PYHIN1: variants seen among roughly 807,000 people sequenced by gnomAD.
The protein encoded by PYHIN1 is pyrin and HIN domain family member 1.
In PYHIN1, 32 loss-of-function variants were observed where a neutral mutation model predicts 43.7. The ratio of observed to expected loss-of-function variants is 0.73; its 90% CI spans 0.55 to 0.98. PYHIN1 has a LOEUF of 0.98. Ranked by LOEUF, PYHIN1 falls within the 50% of genes least tolerant of loss-of-function variation. PYHIN1 has a pLI of 0.00. For synonymous variants in PYHIN1, 205 were observed against 203.1 expected (o/e 1.01, Z -0.08); for missense variants, 588 against 589.5 (o/e 1.00, Z 0.03).
At position 158,943,910 on chromosome 1, in the gene PYHIN1, T is replaced by C. The variant is rs1304000747; in HGVS notation, c.1123T>C (p.Phe375Leu). The C allele has an allele frequency of 1.5e-5, 24 of 1,608,644 alleles. No homozygotes were observed. Among genetic ancestry groups the C allele is most frequent in the Non-Finnish European group, 1.9e-5 (22 of 1,176,290 alleles). Residue 375 changes from phenylalanine (F) to leucine (L), a missense_variant, in exon 6 of 9, where the codon TTC (phenylalanine) becomes CTC (leucine). Transcript: ENST00000368140. ...PCEKGDKLRL[F>L]CFRLRKRENM... ...TGAAAAAGGAGATAAGCTTCGACTC[T>C]TCTGCTTTCGACTGAGAAAGAGGGA...
Position 158,942,274 on chromosome 1 carries a change from G to T in PYHIN1, c.877G>T (p.Gly293Cys). Residue 293 changes from glycine (G) to cysteine (C), a missense_variant, in exon 5 of 9, where the codon GGT (glycine) becomes TGT (cysteine). Coordinates refer to ENST00000368140, the MANE Select transcript of PYHIN1 (RefSeq NM_152501.5). Reference protein sequence around the residue: ...VNEASSVSEAGPDQTFEVPKD... With the variant: ...VNEASSVSEACPDQTFEVPKD... ...TGAAGCCTCTTCTGTATCTGAAGCT[G>T]GTCCTGACCAAACGTTTGAGGTTCC... is the stretch of plus-strand genomic sequence containing the variant. 6.2e-7 allele frequency: 1 copy of T among 1,614,010 alleles called. No individual in the cohort carries two copies. Among genetic ancestry groups the T allele is most frequent in the African/African-American group, 1.3e-5 (1 of 75,026 alleles).
chr1:158,972,882 A>C (rs1651013903), intron 7 of PYHIN1, among the ~76,000 whole-genome samples: 1 of 152,036 alleles, frequency 6.6e-6, no homozygotes, highest in African/African-American at 2.4e-5. Flanking sequence ...GTATATTTTC[A>C]ACCCTGTAAG....
At position 158,972,336 on chromosome 1, in the gene PYHIN1, T is replaced by C. The variant is rs534939695; in HGVS notation, c.1360-1311T>C. Among the ~76,000 whole-genome samples, 25 of 152,196 alleles carry C rather than the reference T, an allele frequency of 1.6e-4. No homozygotes were observed. In the East Asian group the frequency reaches 4.6e-3, roughly 28 times the overall value. ...ATACTTAAAGGGATAATCAGTATCT[T>C]GACAGAGCTTTTCAATCAATCTCTG... On this transcript the variant is annotated intron_variant, in intron 7 of 8. Transcript: ENST00000368140.
chr1:158,972,530 G>T (rs186885057), intron 7 of PYHIN1, among the ~76,000 whole-genome samples: 2 of 152,024 alleles, frequency 1.3e-5, no homozygotes, highest in Admixed American at 6.6e-5. Context: ...AGAAAGAGTG[G>T]AGGAGAGTAC....
At chr1:158,955,305 T>C (rs1649848354) in intron 7 of PYHIN1, among the ~76,000 whole-genome samples, 1 of 151,692 alleles carries the variant, frequency 6.6e-6, no homozygotes, top group Non-Finnish European at 1.5e-5. Flanking sequence ...ATACATTTTT[T>C]TCAGCACCAC....
At chr1:158,934,572 G>C (rs1648392706) in intron 1 of PYHIN1, among the ~76,000 whole-genome samples, 1 of 151,726 alleles carries the variant, frequency 6.6e-6, no homozygotes, top group Non-Finnish European at 1.5e-5. Context: ...ATATGTCTTT[G>C]TATATATTTT....
chr1:158,963,565 G>C (rs1650453005), intron 7 of PYHIN1, among the ~76,000 whole-genome samples: 1 of 152,232 alleles, frequency 6.6e-6, no homozygotes, highest in African/African-American at 2.4e-5. Context: ...AGAGCACTGA[G>C]AGGGAGCATG....
intron 7 of PYHIN1, among the ~76,000 whole-genome samples, chr1:158,964,773 C>T (rs1650528536): frequency 1.3e-5 from 2 of 152,132 alleles, no homozygotes; most frequent in Non-Finnish European, 2.9e-5. Flanking sequence ...TTACCAGACA[C>T]TACAGAAACA....
chr1:158,976,657 C>G, intron 8 of PYHIN1, 44 bp from the exon 9 acceptor site: 1 of 1,503,230 alleles, frequency 6.7e-7, no homozygotes, highest in East Asian at 2.4e-5. Flanking sequence ...ATGTATGACT[C>G]CCTGCATCTC....
At chr1:158,952,399 T>C (rs1321748447) in intron 7 of PYHIN1, among the ~76,000 whole-genome samples, 4 of 151,876 alleles carry the variant, frequency 2.6e-5, no homozygotes, top group Non-Finnish European at 5.9e-5. Context: ...AAAATGGGTT[T>C]ATGATTGCCT....
chr1:158,962,150 G>A (rs1311098209), intron 7 of PYHIN1, among the ~76,000 whole-genome samples: 2 of 152,160 alleles, frequency 1.3e-5, no homozygotes, highest in African/African-American at 4.8e-5. Flanking sequence ...CCCCAGCACA[G>A]CACAGATGCC....
chr1:158,944,800 T>C, intron 6 of PYHIN1, 75 bp from the exon 7 acceptor site: 1 of 1,101,942 alleles, frequency 9.1e-7, no homozygotes, highest in Non-Finnish European at 1.2e-6. Context: ...TAAAGGATGA[T>C]ATTCTCACAT....
intron 7 of PYHIN1, among the ~76,000 whole-genome samples, chr1:158,964,158 C>T (rs371131959): frequency 3.3e-5 from 5 of 151,888 alleles, no homozygotes; most frequent in East Asian, 3.9e-4. Flanking sequence ...AGAAATAGCT[C>T]AATCAGAAAT....
intron 7 of PYHIN1, among the ~76,000 whole-genome samples, chr1:158,958,018 C>T (rs1650063981): frequency 6.6e-6 from 1 of 152,230 alleles, no homozygotes; most frequent in Non-Finnish European, 1.5e-5. Flanking sequence ...CTCATCATCA[C>T]TGGCCATCAG....
chr1:158,985,232 T>C, the PYHIN1 span, among the ~76,000 whole-genome samples: 1 of 152,204 alleles, frequency 6.6e-6, no homozygotes, highest in African/African-American at 2.4e-5. Flanking sequence ...CTTGATTGTA[T>C]AGTTGCATAT....
intron 2 of PYHIN1, 125 bp downstream of exon 2, chr1:158,937,300 A>C (rs1402381381): frequency 8.6e-6 from 9 of 1,049,768 alleles, no homozygotes; most frequent in Non-Finnish European, 1.2e-5. Context: ...TGGCCATGGC[A>C]ATGTTGGTAC....
At chr1:158,990,723 C>T in the PYHIN1 span, among the ~76,000 whole-genome samples, 6,261 of 152,276 alleles carry the variant, frequency 0.041, 349 homozygotes, top group East Asian at 0.26. Context: ...CTCTCTACCA[C>T]TATGAGATCA....
chr1:158,952,915 A>G (rs1571750299), intron 7 of PYHIN1, among the ~76,000 whole-genome samples: 1 of 152,200 alleles, frequency 6.6e-6, no homozygotes, highest in African/African-American at 2.4e-5. Flanking sequence ...CGCGAGCCGA[A>G]GTAGGGTGAG....
intron 7 of PYHIN1, among the ~76,000 whole-genome samples, chr1:158,949,232 G>A (rs537408667): frequency 3.9e-5 from 6 of 152,242 alleles, no homozygotes; most frequent in African/African-American, 1.4e-4. Context: ...CATGATGGAT[G>A]AGGACATCAG....
Sources: allele counts gnomAD v4.1 joint callset (sites outside exome capture counted in the v4.1 genomes callset), GRCh38; gene constraint gnomAD v4.1.1; transcripts MANE v1.5; gene names NCBI Gene and HGNC (gene_info 2026-07-23, HGNC 2026-07-21).